The following REEP3 variants were observed in gnomAD, a reference collection of about 807,000 sequenced individuals.
The protein encoded by REEP3 is receptor expression-enhancing protein 3.
Under a neutral mutation model 41.3 loss-of-function variants are expected in REEP3, and 20 were observed. The observed-to-expected ratio is 0.48, with a 90% CI of 0.34 to 0.70. The LOEUF is 0.70. REEP3 is among the 30% of genes least tolerant of loss of function. REEP3 has a pLI of 0.01. For missense variants in REEP3, 271 were observed against 308.8 expected, an observed-to-expected ratio of 0.88 and a Z score of 0.92; for synonymous variants, 104 against 101.8, an observed-to-expected ratio of 1.02 and a Z score of -0.13.
At chr10:63,552,812 G>C (rs1175558388) in intron 1 of REEP3, among the ~76,000 whole-genome samples, 1 of 152,242 alleles carries the variant, frequency 6.6e-6, no homozygotes, top group Middle Eastern at 3.2e-3. Context: ...CAGCCAGTCT[G>C]CTGGTTTTGT....
chr10:63,599,444 T>C, intron 5 of REEP3, 161 bp downstream of exon 5: 1 of 437,348 alleles, frequency 2.3e-6, no homozygotes, highest in Non-Finnish European at 3.9e-6. Context: ...AATTTTGTGT[T>C]TTCCATACTT....
chr10:63,556,644 T>G (rs1955688254), intron 1 of REEP3, among the ~76,000 whole-genome samples: 2 of 113,014 alleles, frequency 1.8e-5, no homozygotes, highest in East Asian at 5.1e-4. Context: ...GTTTTTTTTT[T>G]TTTTTTTTTG....
intron 1 of REEP3, among the ~76,000 whole-genome samples, chr10:63,554,657 G>A (rs1035184549): frequency 6.6e-6 from 1 of 152,120 alleles, no homozygotes; most frequent in Non-Finnish European, 1.5e-5. Flanking sequence ...TAGAACAATA[G>A]CACCTACCTC....
intron 2 of REEP3, among the ~76,000 whole-genome samples, chr10:63,587,213 T>C (rs1956016121): frequency 6.6e-6 from 1 of 152,238 alleles, no homozygotes; most frequent in South Asian, 2.1e-4. Flanking sequence ...GGTATTCCTC[T>C]AGCTCTGCCT....
intron 1 of REEP3, among the ~76,000 whole-genome samples, chr10:63,562,192 G>T (rs1004358416): frequency 5.9e-5 from 9 of 152,050 alleles, no homozygotes; most frequent in African/African-American, 2.2e-4. Flanking sequence ...CCTGTATCCA[G>T]AGCCTGGGGG....
chr10:63,611,087 T>C (rs985544999), intron 6 of REEP3, among the ~76,000 whole-genome samples: 1 of 152,016 alleles, frequency 6.6e-6, no homozygotes, highest in African/African-American at 2.4e-5. Flanking sequence ...AAAAAAAAGA[T>C]TAGTACTTGC....
At chr10:63,571,170 C>G (rs1049596078) in intron 2 of REEP3, among the ~76,000 whole-genome samples, 2 of 152,084 alleles carry the variant, frequency 1.3e-5, no homozygotes, top group Non-Finnish European at 2.9e-5. Context: ...TGAGATGTCA[C>G]CTTGGAATAG....
At chr10:63,584,516 C>G (rs1955986664) in intron 2 of REEP3, among the ~76,000 whole-genome samples, 1 of 151,412 alleles carries the variant, frequency 6.6e-6, no homozygotes, top group African/African-American at 2.4e-5. Context: ...TCAACCATGC[C>G]TCTAACTTGG....
intron 2 of REEP3, among the ~76,000 whole-genome samples, chr10:63,577,300 G>C (rs1955906618): frequency 6.6e-6 from 1 of 152,140 alleles, no homozygotes; most frequent in African/African-American, 2.4e-5. Context: ...CCTTTCCAGA[G>C]AATAAACATA....
At chr10:63,560,452 G>A (rs770328238) in intron 1 of REEP3, among the ~76,000 whole-genome samples, 9 of 152,120 alleles carry the variant, frequency 5.9e-5, no homozygotes, top group Non-Finnish European at 1.3e-4. Context: ...AGTATTTTCC[G>A]TATCTGAAAA....
intron 1 of REEP3, among the ~76,000 whole-genome samples, chr10:63,552,307 A>T (rs1307544458): frequency 6.6e-6 from 1 of 151,912 alleles, no homozygotes; most frequent in East Asian, 1.9e-4. Flanking sequence ...GCTACTCGGG[A>T]GGCTGAAGCA....
intron 4 of REEP3, 100 bp downstream of exon 4, chr10:63,598,244 C>T (rs889338833): frequency 2.6e-6 from 2 of 771,964 alleles, no homozygotes; most frequent in Non-Finnish European, 3.9e-6. Context: ...CTTTGGGAGG[C>T]TGAGGTGGGT....
At chr10:63,559,819 G>C (rs1955724202) in intron 1 of REEP3, among the ~76,000 whole-genome samples, 2 of 152,062 alleles carry the variant, frequency 1.3e-5, no homozygotes, top group Admixed American at 1.3e-4. Context: ...TAGAAAGATT[G>C]TTCGTAGCAT....
At chr10:63,604,414 G>C (rs967923541) in intron 5 of REEP3, among the ~76,000 whole-genome samples, 1 of 152,210 alleles carries the variant, frequency 6.6e-6, no homozygotes, top group East Asian at 1.9e-4. Flanking sequence ...ATGAAGAAAA[G>C]TACTGTTAGT....
chr10:63,575,560 A>G (rs1564482619), intron 2 of REEP3, among the ~76,000 whole-genome samples: 1 of 148,934 alleles, frequency 6.7e-6, no homozygotes, highest in Non-Finnish European at 1.5e-5. Context: ...TGGTTTTCCA[A>G]TTTTTTTTTT....
intron 1 of REEP3, among the ~76,000 whole-genome samples, chr10:63,561,976 G>C (rs181564575): frequency 5.3e-5 from 8 of 152,310 alleles, no homozygotes; most frequent in Non-Finnish European, 1.2e-4. Flanking sequence ...TAATTAGCTT[G>C]AATATGTAAA....
intron 2 of REEP3, among the ~76,000 whole-genome samples, chr10:63,569,803 A>G (rs1955836800): frequency 6.6e-6 from 1 of 151,954 alleles, no homozygotes; most frequent in Non-Finnish European, 1.5e-5. Context: ...TTAGCCGGGT[A>G]TGGTGGCATA....
At chr10:63,592,386 A>G (rs1284148358) in intron 2 of REEP3, among the ~76,000 whole-genome samples, 1 of 152,202 alleles carries the variant, frequency 6.6e-6, no homozygotes, top group Non-Finnish European at 1.5e-5. Context: ...GGCAGTATAA[A>G]TGAGAGACTC....
rs67364276 is a variant in REEP3 at position 63,603,312 on chromosome 10, CAAAA to C, written c.417+4048_417+4051del. On this transcript the variant is annotated intron_variant, in intron 5 of 7. Transcript: ENST00000373758. ...TGGGTGAGAGTGCAAGACTCTGTCT[CAAAA>C]AAAAAAAAAAAAAAAAAAGACCCCA... Among the ~76,000 whole-genome samples the C allele has an allele frequency of 1.1e-3, 67 of 62,848 alleles. 1 individual carries two copies. The highest frequency in any genetic ancestry group is 4.2e-3 in the African/African-American group (64 of 15,090). The allele number at this position is 62,848 out of a possible 152,430, so 41.2% of individuals were successfully genotyped here. A position where few individuals can be genotyped will look rare whatever the true frequency, so the allele number is the denominator to read the frequency against.
Sources: allele counts gnomAD v4.1 joint callset (sites outside exome capture counted in the v4.1 genomes callset), GRCh38; gene constraint gnomAD v4.1.1; transcripts MANE v1.5; gene names NCBI Gene and HGNC (gene_info 2026-07-23, HGNC 2026-07-21).